ABI2: variants seen among roughly 807,000 people sequenced by gnomAD.
ABI2 encodes abl interactor 2.
Under a neutral mutation model 59.2 loss-of-function variants are expected in ABI2, and 25 were observed. The ratio of observed to expected loss-of-function variants is 0.42; its 90% CI spans 0.31 to 0.59. The LOEUF is 0.59. Ranked by LOEUF, ABI2 falls within the 20% of genes least tolerant of loss-of-function variation. The pLI is 0.14. For missense variants in ABI2, 545 were observed against 681.8 expected, an observed-to-expected ratio of 0.80 and a Z score of 2.23; for synonymous variants, 213 against 235.5, an observed-to-expected ratio of 0.90 and a Z score of 0.87.
intron 4 of ABI2, among the ~76,000 whole-genome samples, chr2:203,390,019 C>T (rs1294964828): frequency 6.6e-6 from 1 of 152,168 alleles, no homozygotes; most frequent in Non-Finnish European, 1.5e-5. Context: ...CCAAGTGGGT[C>T]CAATTCCCAT....
chr2:203,409,229 C>G (rs1263341521), intron 9 of ABI2, among the ~76,000 whole-genome samples: 3 of 152,178 alleles, frequency 2.0e-5, no homozygotes, highest in Admixed American at 2.0e-4. Flanking sequence ...GAGTGGGAAG[C>G]AGACACGCAA....
At chr2:203,333,225 A>G (rs1161546308) in intron 1 of ABI2, among the ~76,000 whole-genome samples, 1 of 152,228 alleles carries the variant, frequency 6.6e-6, no homozygotes, top group African/African-American at 2.4e-5. Flanking sequence ...AGTAGGTATT[A>G]TGAAAGAAAT....
At chr2:203,399,661 C>T (rs1271345689) in intron 8 of ABI2, among the ~76,000 whole-genome samples, 2 of 152,018 alleles carry the variant, frequency 1.3e-5, no homozygotes, top group East Asian at 1.9e-4. Flanking sequence ...ATTACAGGCA[C>T]CCACCACCAT....
intron 4 of ABI2, among the ~76,000 whole-genome samples, chr2:203,382,838 CTG>C (rs2096226085): frequency 6.6e-6 from 1 of 151,504 alleles, no homozygotes; most frequent in Non-Finnish European, 1.5e-5. Flanking sequence ...TCAATATAAA[CTG>C]TAAGAGCTTT....
chr2:203,383,096 A>G (rs934586821), intron 4 of ABI2, among the ~76,000 whole-genome samples: 2 of 152,140 alleles, frequency 1.3e-5, no homozygotes, highest in African/African-American at 4.8e-5. Context: ...GGTGAGTTTT[A>G]TAGTTTATTT....
chr2:203,406,182 A>T (rs2097419588), intron 9 of ABI2, among the ~76,000 whole-genome samples: 1 of 152,186 alleles, frequency 6.6e-6, no homozygotes, highest in African/African-American at 2.4e-5. Context: ...TAAATATGAA[A>T]CACCTTGGTG....
intron 1 of ABI2, among the ~76,000 whole-genome samples, chr2:203,364,913 T>C (rs533833797): frequency 4.1e-4 from 62 of 152,070 alleles, no homozygotes; most frequent in Admixed American, 1.0e-3. Flanking sequence ...TTCTAAACTT[T>C]TGTGGAGTTG....
At position 203,417,018 on chromosome 2, in the gene ABI2, G is replaced by T; in HGVS notation, c.1390G>T (p.Glu464Ter). ...DYEEEEAAVVEYSDPYAEEDP... is the reference protein window; with the variant it reads ...DYEEEEAAVV ...CGAAGAGGAGGAAGCTGCTGTGGTT[G>T]AGTATAGTGATCCTTATGCTGAAGA... The change falls in exon 11 of 12, where the codon GAG becomes TAG. Residue 464 changes from glutamate to a stop codon, truncating the protein, a stop_gained. Transcript: ENST00000261018. LOFTEE classifies it high-confidence loss of function. 1 of 1,614,160 alleles carries T rather than the reference G, an allele frequency of 6.2e-7. No homozygotes were observed. The highest frequency in any genetic ancestry group is 8.5e-7 in the Non-Finnish European group (1 of 1,180,026).
chr2:203,365,223 T>C (rs1392026230), intron 1 of ABI2, among the ~76,000 whole-genome samples: 1 of 152,230 alleles, frequency 6.6e-6, no homozygotes, highest in Admixed American at 6.5e-5. Context: ...CACAGGCACA[T>C]ACAGAATTAT....
intron 2 of ABI2, among the ~76,000 whole-genome samples, chr2:203,378,397 C>T (rs545262575): frequency 6.6e-6 from 1 of 152,320 alleles, no homozygotes; most frequent in East Asian, 1.9e-4. Flanking sequence ...AGGCGTGAGC[C>T]ACCATGCCTG....
chr2:203,378,866 G>A (rs1445685304), intron 2 of ABI2, among the ~76,000 whole-genome samples: 4 of 151,848 alleles, frequency 2.6e-5, no homozygotes, highest in Non-Finnish European at 5.9e-5. Flanking sequence ...TTTTTTTTAC[G>A]TTGTATTCAG....
At chr2:203,384,570 A>G (rs1333343473) in intron 4 of ABI2, among the ~76,000 whole-genome samples, 1 of 151,944 alleles carries the variant, frequency 6.6e-6, no homozygotes, top group Non-Finnish European at 1.5e-5. Flanking sequence ...TCGGCCTCCC[A>G]AAATGTTGGG....
rs1581216491 is a variant in ABI2, at chr2:203,430,274, G to A, written c.*2922G>A. On this transcript the variant is annotated 3_prime_UTR_variant, in exon 12 of 12. Coordinates refer to ENST00000261018, the MANE Select transcript of ABI2 (RefSeq NM_001375670.1). ...GAATGCAGAAAATCTTACATGCTGTGTACTATTAATATTATAACAGACGAT... is the reference window on the plus strand; with the variant it reads ...GAATGCAGAAAATCTTACATGCTGTATACTATTAATATTATAACAGACGAT... 1 of 152,082 alleles carries A rather than the reference G, an allele frequency of 6.6e-6. No homozygotes were observed. Among genetic ancestry groups the A allele is most frequent in the African/African-American group, 2.4e-5 (1 of 41,412 alleles). 9.4% of individuals were successfully genotyped at this position (152,082 alleles called of 1,614,324 possible). A position where few individuals can be genotyped will look rare whatever the true frequency, so the allele number is the denominator to read the frequency against.
intron 11 of ABI2, 46 bp from the exon 12 acceptor site, chr2:203,427,131 G>C (rs370078140): frequency 6.6e-5 from 102 of 1,554,902 alleles, no homozygotes; most frequent in Non-Finnish European, 8.6e-5. Context: ...GTCTTTCTAG[G>C]AATATTACTG....
chr2:203,328,582 A>G lies in ABI2; in HGVS notation c.68A>G (p.Tyr23Cys). ...GGCCGCCGGGCCCTCTTCGACAGCT[A>G]CACAAATCTGGAACGGGTGGCCGAT... The part of the protein sequence containing the change: ...PGGRRALFDS[Y>C]TNLERVADYC... Residue 23 changes from tyrosine to cysteine, a missense_variant, in exon 1 of 12, where the codon TAC becomes TGC. Physicochemically the swap from Tyr to Cys is radical, Grantham distance 194. This residue lies in a region of ABI2 where 55 missense variants were observed against 59.7 expected (regional missense o/e 0.92). Transcript: ENST00000261018. 6.2e-7 allele frequency: 1 copy of G among 1,604,642 alleles called. No individual in the cohort carries two copies. The highest frequency in any genetic ancestry group is 8.5e-7 in the Non-Finnish European group (1 of 1,175,818).
At chr2:203,387,054 T>TC (rs2096555969) in intron 4 of ABI2, among the ~76,000 whole-genome samples, 1 of 105,016 alleles carries the variant, frequency 9.5e-6, no homozygotes, top group Admixed American at 1.5e-4. Context: ...CAGGCTCCCT[T>TC]CCTTTTTTTT....
At chr2:203,334,039 C>A (rs1269083124) in intron 1 of ABI2, among the ~76,000 whole-genome samples, 1 of 150,968 alleles carries the variant, frequency 6.6e-6, no homozygotes, top group South Asian at 2.1e-4. Flanking sequence ...CTCCTGGGTT[C>A]AAGCAATTCT....
At chr2:203,329,417 T>A (rs1461675648) in intron 1 of ABI2, among the ~76,000 whole-genome samples, 2 of 149,080 alleles carry the variant, frequency 1.3e-5, no homozygotes, top group African/African-American at 4.9e-5. Flanking sequence ...GGCGTGTGTA[T>A]GGAGGCGGGG....
Position 203,427,391 on chromosome 2 carries a change from G to T in ABI2, c.*39G>T. On this transcript the variant is annotated 3_prime_UTR_variant, in exon 12 of 12. Transcript: ENST00000261018. ...TGTGCTTGCCTCACAGGAATAGTCAGGTCTTCCCAGATTATCTGAAGGCCC... is the reference window on the plus strand; with the variant it reads ...TGTGCTTGCCTCACAGGAATAGTCATGTCTTCCCAGATTATCTGAAGGCCC... The T allele has an allele frequency of 6.4e-7, 1 of 1,558,030 alleles. No individual in the cohort carries two copies. Among genetic ancestry groups the T allele is most frequent in the Non-Finnish European group, 8.8e-7 (1 of 1,142,160 alleles).
Sources: gnomAD v4.1 joint callset for allele counts (sites outside exome capture counted in the v4.1 genomes callset) on GRCh38, gnomAD v4.1.1 for gene constraint, gnomAD v4.1.1 regional missense constraint, MANE v1.5 for transcripts, NCBI Gene and HGNC (gene_info 2026-07-23, HGNC 2026-07-21) for gene names.